The following ZNF469 variants were observed in gnomAD, a reference collection of about 807,000 sequenced individuals.
The protein encoded by ZNF469 is zinc finger protein 469.
Under a neutral mutation model 1.0 loss-of-function variants are expected in ZNF469, and 1 was observed. The observed-to-expected ratio is 1.00, with a 90% CI of 0.35 to 4.73. The LOEUF is 4.73. Ranked by LOEUF, ZNF469 falls within the 30% of genes most tolerant of loss-of-function variation. ZNF469 has a pLI of 0.16. For synonymous variants in ZNF469, 2,703 were observed against 2,363.4 expected, an observed-to-expected ratio of 1.14 and a Z score of -4.17; for missense variants, 6,100 against 5,356.3, an observed-to-expected ratio of 1.14 and a Z score of -4.33.
chr16:88,105,671 A>G, the ZNF469 span, among the ~76,000 whole-genome samples: 4 of 152,328 alleles, frequency 2.6e-5, no homozygotes, highest in African/African-American at 9.6e-5. Flanking sequence ...GGATTAGCAA[A>G]TAAGCATAAT....
In ZNF469 at chr16:88,436,312, G is replaced by A; in HGVS notation, c.8842G>A (p.Val2948Met). The change falls in exon 3 of 3, where the codon GTG (valine) becomes ATG (methionine). Residue 2948 changes from valine (V) to methionine (M), a missense_variant. By Grantham distance (21) the Val-to-Met change is conservative (BLOSUM62 1). Transcript: ENST00000565624. ...CCTGGATGGGTTCCTCAATAGCAGG[G>A]TGCCTGGCATTGACCCCTGGGCCCC... ...FLLDGFLNSR[V>M]PGIDPWAPGL... 1.3e-6 allele frequency: 2 copies of A among 1,549,722 alleles called. No homozygotes were observed. Among genetic ancestry groups the A allele is most frequent in the Non-Finnish European group, 8.7e-7 (1 of 1,146,556 alleles).
At position 88,438,928 on chromosome 16, in the gene ZNF469, G is replaced by C; in HGVS notation, c.11458G>C (p.Gly3820Arg). The C allele has an allele frequency of 1.3e-6, 2 of 1,550,564 alleles. No individual in the cohort carries two copies. Among genetic ancestry groups the C allele is most frequent in the Non-Finnish European group, 1.7e-6 (2 of 1,146,984 alleles). The change falls in exon 3 of 3, where the codon GGC becomes CGC. Residue 3820 changes from glycine (G) to arginine (R), a missense_variant. By Grantham distance (125) the Gly-to-Arg change is moderately radical. Coordinates refer to ENST00000565624, the MANE Select transcript of ZNF469 (RefSeq NM_001367624.2). ...AGAGAGCAGTACGAAGAGGAAAAAG[G>C]GCCAGGTCCCAGGGCCAGCCAGGAG... ...KGESSTKRKK[G>R]QVPGPARSES... is the part of the protein sequence containing the mutation.
the ZNF469 span, among the ~76,000 whole-genome samples, chr16:88,209,138 G>C: frequency 0.43 from 65,603 of 151,624 alleles, 15,977 homozygotes; most frequent in South Asian, 0.55. Context: ...AACTTAACCT[G>C]GTTCCACAAA....
At chr16:88,390,330 C>T (rs1904452306) in intron 1 of ZNF469, among the ~76,000 whole-genome samples, 1 of 152,190 alleles carries the variant, frequency 6.6e-6, no homozygotes, top group African/African-American at 2.4e-5. Context: ...CCCATGGCTC[C>T]AACCCCACCG....
chr16:88,251,022 C>G, the ZNF469 span, among the ~76,000 whole-genome samples: 1 of 152,110 alleles, frequency 6.6e-6, no homozygotes, highest in Non-Finnish European at 1.5e-5. Context: ...GGACTACAGG[C>G]ACCTGCCAAC....
At chr16:88,115,557 G>C in the ZNF469 span, among the ~76,000 whole-genome samples, 1 of 151,754 alleles carries the variant, frequency 6.6e-6, no homozygotes, top group Non-Finnish European at 1.5e-5. Flanking sequence ...CGTCCAGGAC[G>C]GTGGTGTGGA....
chr16:88,290,260 G>C, the ZNF469 span, among the ~76,000 whole-genome samples: 1 of 152,230 alleles, frequency 6.6e-6, no homozygotes, highest in Non-Finnish European at 1.5e-5. Flanking sequence ...CAGATGAAAG[G>C]CAAAATTTCC....
chr16:88,189,362 C>T, the ZNF469 span, among the ~76,000 whole-genome samples: 2 of 152,088 alleles, frequency 1.3e-5, no homozygotes, highest in Non-Finnish European at 2.9e-5. This position sits in a 1 kb window ranked among gnomAD's most constrained non-coding sequence, Gnocchi z 4.3. Flanking sequence ...CAACCGGGGT[C>T]TCTGATGGGG....
the ZNF469 span, among the ~76,000 whole-genome samples, chr16:88,369,664 ACT>A: frequency 6.6e-6 from 1 of 152,144 alleles, no homozygotes; most frequent in Non-Finnish European, 1.5e-5. Flanking sequence ...TCTCATGATG[ACT>A]CTGAGGGGCG....
chr16:88,128,858 C>T, the ZNF469 span, among the ~76,000 whole-genome samples: 1 of 152,206 alleles, frequency 6.6e-6, no homozygotes, highest in South Asian at 2.1e-4. Context: ...GGCAGGTGGG[C>T]AGAGCAGAGC....
the ZNF469 span, among the ~76,000 whole-genome samples, chr16:88,353,497 C>A: frequency 1.3e-5 from 2 of 152,224 alleles, no homozygotes; most frequent in Non-Finnish European, 2.9e-5. Context: ...CGGCTTCCTG[C>A]CCCAGGGCCT....
Position 88,429,478 on chromosome 16 carries a change from C to T in ZNF469, c.2008C>T (p.Pro670Ser), listed in dbSNP as rs1184532367. 1.3e-6 allele frequency: 2 copies of T among 1,550,052 alleles called. No individual in the cohort carries two copies. The highest frequency in any genetic ancestry group is 3.9e-5 in the Admixed American group (2 of 51,000). The change falls in exon 3 of 3, where the codon CCT (proline) becomes TCT (serine). Residue 670 changes from proline (P) to serine (S), a missense_variant. Pro to Ser is a moderately conservative substitution (Grantham distance 74). Transcript: ENST00000565624. Reference sequence around the variant, plus strand: ...CCAGCCAGAGCCAGCCAAGGCCTTCCCTTTTCCCGCAGATGGGCTGGGAGC... The same window carrying T: ...CCAGCCAGAGCCAGCCAAGGCCTTCTCTTTTCCCGCAGATGGGCTGGGAGC... ...HYQPEPAKAF[P>S]FPADGLGAEG...
chr16:88,239,629 A>G, the ZNF469 span, among the ~76,000 whole-genome samples: 1 of 136,402 alleles, frequency 7.3e-6, no homozygotes, highest in African/African-American at 2.7e-5. Flanking sequence ...CTGGGACTAC[A>G]GGCACCTGCC....
chr16:88,238,913 C>T, the ZNF469 span, among the ~76,000 whole-genome samples: 1 of 152,082 alleles, frequency 6.6e-6, no homozygotes, highest in African/African-American at 2.4e-5. Flanking sequence ...GATCCGGCCT[C>T]CCTCCCTCCC....
chr16:88,437,451 G>C lies in ZNF469; in HGVS notation c.9981G>C (p.Pro3327=). The stretch of plus-strand genomic sequence containing the variant: ...GGGAGCCCCTCCTGCAAGCCACCCC[G>C]GTGCACGAGGCCTGCAAGGACCCCT... ...AGGEPLLQAT[P]VHEACKDPSR... is the part of the protein sequence containing the mutation. Residue 3327 remains proline, a synonymous_variant, in exon 3 of 3, where the codon CCG becomes CCC. Transcript: ENST00000565624. 6 of 1,526,426 alleles carry C rather than the reference G, an allele frequency of 3.9e-6. No homozygotes were observed. The African/African-American group carries it at 7.0e-5, about 18-fold the overall frequency. 94.6% of individuals were successfully genotyped at this position (1,526,426 alleles called of 1,614,324 possible).
At chr16:88,343,577 A>C in the ZNF469 span, among the ~76,000 whole-genome samples, 1 of 152,098 alleles carries the variant, frequency 6.6e-6, no homozygotes, top group Non-Finnish European at 1.5e-5. Flanking sequence ...TGGGAAGTCC[A>C]AGGTCGAGCG....
the ZNF469 span, among the ~76,000 whole-genome samples, chr16:88,148,989 T>C: frequency 1.1e-4 from 16 of 152,176 alleles, no homozygotes; most frequent in Non-Finnish European, 1.8e-4. Flanking sequence ...CCATATCACA[T>C]CCTCAAGGGT....
chr16:88,438,085 A>C lies in ZNF469; in HGVS notation c.10615A>C (p.Arg3539=). 2.6e-6 allele frequency: 4 copies of C among 1,550,402 alleles called. No individual in the cohort carries two copies. Among genetic ancestry groups the C allele is most frequent in the Non-Finnish European group, 3.5e-6 (4 of 1,146,960 alleles). The stretch of plus-strand genomic sequence containing the variant: ...TGTAGACCCCGTGACCCACCCGATC[A>C]GAGGTTGTGAGCTGCCATCCAACCA... ...RPVDPVTHPI[R]GCELPSNHQE... The change falls in exon 3 of 3, where the codon AGA becomes CGA. Residue 3539 remains arginine (R), a synonymous_variant. Coordinates refer to ENST00000565624, the MANE Select transcript of ZNF469 (RefSeq NM_001367624.2).
chr16:88,174,933 G>A, the ZNF469 span, among the ~76,000 whole-genome samples: 16 of 97,834 alleles, frequency 1.6e-4, no homozygotes, highest in South Asian at 6.6e-3. Flanking sequence ...TTATTCTAGG[G>A]TCAACCGTGT....
Sources: allele counts gnomAD v4.1 joint callset (sites outside exome capture counted in the v4.1 genomes callset), GRCh38; gene constraint gnomAD v4.1.1; non-coding constraint Gnocchi (gnomAD v3.1); transcripts MANE v1.5; gene names NCBI Gene and HGNC (gene_info 2026-07-23, HGNC 2026-07-21).